Variants in ZNF385B observed in about 807,000 individuals in gnomAD.
ZNF385B encodes the protein zinc finger protein 533.
Under a neutral mutation model 39.2 loss-of-function variants are expected in ZNF385B, and 23 were observed. That is an observed-to-expected ratio of 0.59 (90% CI 0.42 to 0.83). The LOEUF (loss-of-function observed/expected upper bound fraction) is 0.83. ZNF385B is among the 40% of genes least tolerant of loss of function. ZNF385B has a pLI of 0.00. For synonymous variants in ZNF385B, 205 were observed against 222.6 expected, an observed-to-expected ratio of 0.92 and a Z score of 0.70; for missense variants, 552 against 598.9, an observed-to-expected ratio of 0.92 and a Z score of 0.82.
chr2:179,482,844 A>G (rs2054143033), intron 6 of ZNF385B, among the ~76,000 whole-genome samples: 1 of 152,150 alleles, frequency 6.6e-6, no homozygotes, highest in Non-Finnish European at 1.5e-5. Flanking sequence ...CAGTAAGAGA[A>G]CATAAAAATA....
At chr2:179,758,609 GA>G (rs1161449045) in intron 3 of ZNF385B, among the ~76,000 whole-genome samples, 1 of 152,200 alleles carries the variant, frequency 6.6e-6, no homozygotes, top group Non-Finnish European at 1.5e-5. Context: ...GACTAGCTCT[GA>G]CCAAAAGAAT....
chr2:179,610,728 T>C (rs1689220373), intron 3 of ZNF385B, among the ~76,000 whole-genome samples: 1 of 152,154 alleles, frequency 6.6e-6, no homozygotes. Flanking sequence ...GTGTCTACTC[T>C]TCAATGTTGT....
intron 2 of ZNF385B, 81 bp from the exon 3 acceptor site, chr2:179,769,883 G>A (rs1051612262): frequency 2.9e-6 from 4 of 1,383,914 alleles, no homozygotes; most frequent in Admixed American, 4.9e-5. Flanking sequence ...ATCTTTAAGG[G>A]TTTGTTTAAG....
chr2:179,823,641 G>T (rs1025035995), intron 1 of ZNF385B, among the ~76,000 whole-genome samples: 1 of 151,960 alleles, frequency 6.6e-6, no homozygotes, highest in Non-Finnish European at 1.5e-5. Flanking sequence ...AATCCTGTAG[G>T]ATGATGAATT....
At chr2:179,827,967 A>C (rs1319264665) in intron 1 of ZNF385B, among the ~76,000 whole-genome samples, 1 of 152,128 alleles carries the variant, frequency 6.6e-6, no homozygotes, top group Non-Finnish European at 1.5e-5. Context: ...GTTATGTAGA[A>C]TTTATTCTTT....
chr2:179,756,657 C>T (rs954854366), intron 3 of ZNF385B, among the ~76,000 whole-genome samples: 2 of 150,922 alleles, frequency 1.3e-5, no homozygotes, highest in Non-Finnish European at 2.9e-5. Context: ...GTCCCATATA[C>T]CTTCGAGGCT....
chr2:179,588,996 C>T (rs1252424304), intron 3 of ZNF385B, among the ~76,000 whole-genome samples: 4 of 152,148 alleles, frequency 2.6e-5, no homozygotes, highest in Non-Finnish European at 5.9e-5. Flanking sequence ...AAACCTCTTG[C>T]CTCTGTGGTA....
chr2:179,634,973 C>CA (rs66671134), intron 3 of ZNF385B, among the ~76,000 whole-genome samples: 5,455 of 115,454 alleles, frequency 0.047, 157 homozygotes, highest in African/African-American at 0.068. Flanking sequence ...ACTAAAAATA[C>CA]AAAAAAAAAA....
intron 6 of ZNF385B, among the ~76,000 whole-genome samples, chr2:179,448,655 C>A (rs2049763106): frequency 6.6e-6 from 1 of 152,086 alleles, no homozygotes; most frequent in Non-Finnish European, 1.5e-5. Context: ...ATGATTATTC[C>A]TATCTTAAAG....
At chr2:179,617,845 C>A (rs1689884320) in intron 3 of ZNF385B, among the ~76,000 whole-genome samples, 1 of 152,166 alleles carries the variant, frequency 6.6e-6, no homozygotes, top group Non-Finnish European at 1.5e-5. Context: ...AGGTAATTTT[C>A]AACCCTTCTA....
chr2:179,479,212 C>A (rs997864145), intron 6 of ZNF385B, among the ~76,000 whole-genome samples: 2 of 152,108 alleles, frequency 1.3e-5, no homozygotes, highest in Admixed American at 1.3e-4. Context: ...TGAAATATAT[C>A]TAATTTTTTG....
chr2:179,754,624 C>T (rs374991532), intron 3 of ZNF385B, among the ~76,000 whole-genome samples: 1 of 152,064 alleles, frequency 6.6e-6, no homozygotes, highest in South Asian at 2.1e-4. Flanking sequence ...TTATTGGTCT[C>T]TTCAGAGATT....
intron 3 of ZNF385B, among the ~76,000 whole-genome samples, chr2:179,655,384 C>G (rs1693637405): frequency 6.6e-6 from 1 of 151,958 alleles, no homozygotes; most frequent in Non-Finnish European, 1.5e-5. Context: ...CAAAGTTGCT[C>G]ATTTATGCTA....
chr2:179,620,878 T>A (rs1690151171), intron 3 of ZNF385B, among the ~76,000 whole-genome samples: 1 of 152,190 alleles, frequency 6.6e-6, no homozygotes, highest in Non-Finnish European at 1.5e-5. Flanking sequence ...TCTTTCACAT[T>A]ATGCTCTGCA....
At chr2:179,566,810 T>A (rs569474435) in intron 3 of ZNF385B, among the ~76,000 whole-genome samples, 3 of 152,158 alleles carry the variant, frequency 2.0e-5, no homozygotes, top group Non-Finnish European at 4.4e-5. Flanking sequence ...CCCTGACAAA[T>A]GCATAATGAC....
chr2:179,458,651 A>C (rs546869166), intron 6 of ZNF385B, among the ~76,000 whole-genome samples: 1 of 152,274 alleles, frequency 6.6e-6, no homozygotes, highest in South Asian at 2.1e-4. Context: ...AAAACCTCTT[A>C]TCTGTTGGGG....
chr2:179,763,127 C>CA (rs1466251728), intron 3 of ZNF385B, among the ~76,000 whole-genome samples: 1 of 152,104 alleles, frequency 6.6e-6, no homozygotes, highest in East Asian at 1.9e-4. Flanking sequence ...CTGGTATCAA[C>CA]ACCTGACCTC....
intron 1 of ZNF385B, among the ~76,000 whole-genome samples, chr2:179,854,718 T>C (rs1684443941): frequency 6.6e-6 from 1 of 152,222 alleles, no homozygotes; most frequent in African/African-American, 2.4e-5. Flanking sequence ...ACTGGTATAC[T>C]GAAGCAAAGA....
intron 6 of ZNF385B, among the ~76,000 whole-genome samples, chr2:179,454,774 G>C (rs2050506502): frequency 2.0e-5 from 3 of 152,102 alleles, no homozygotes; most frequent in African/African-American, 7.2e-5. Flanking sequence ...AGATAGAAAA[G>C]AGCTTAGAGA....
Sources: allele counts gnomAD v4.1 joint callset (sites outside exome capture counted in the v4.1 genomes callset), GRCh38; gene constraint gnomAD v4.1.1; transcripts MANE v1.5; gene names NCBI Gene and HGNC (gene_info 2026-07-23, HGNC 2026-07-21).